The following EPB41 variants were observed in gnomAD, a reference collection of about 807,000 sequenced individuals.
EPB41 encodes erythrocyte membrane protein band 4.1, also known as protein 4.1.
In EPB41, 65 loss-of-function variants were observed where a neutral mutation model predicts 108.0. The observed-to-expected ratio is 0.60, with a 90% CI of 0.49 to 0.74. EPB41 has a LOEUF of 0.74. Ranked by LOEUF, EPB41 falls within the 30% of genes least tolerant of loss-of-function variation. The pLI, the probability that EPB41 is intolerant of heterozygous loss-of-function variation, is 0.00. For missense variants in EPB41, 875 were observed against 1,037.0 expected, an observed-to-expected ratio of 0.84 and a Z score of 2.15; for synonymous variants, 336 against 358.9, an observed-to-expected ratio of 0.94 and a Z score of 0.72.
intron 16 of EPB41, among the ~76,000 whole-genome samples, chr1:29,089,786 A>G (rs1660534420): frequency 1.3e-5 from 2 of 152,224 alleles, no homozygotes; most frequent in Admixed American, 1.3e-4. Context: ...CTGTCTTACT[A>G]AAACCCAGTG....
At chr1:29,053,922 A>G (rs1644938769) in intron 12 of EPB41, 1 of 152,628 alleles carries the variant, frequency 6.6e-6, no homozygotes, top group East Asian at 1.9e-4. Flanking sequence ...TCTGCTTTTT[A>G]AAATAATTTT....
At chr1:29,021,587 CT>C (rs376316483) in intron 7 of EPB41, among the ~76,000 whole-genome samples, 183 of 142,102 alleles carry the variant, frequency 1.3e-3, no homozygotes, top group Admixed American at 1.2e-3. Context: ...CTTTTTTTTT[CT>C]TTTTTTTTTT....
intron 11 of EPB41, among the ~76,000 whole-genome samples, chr1:29,040,121 A>T (rs1179733910): frequency 1.3e-5 from 2 of 152,142 alleles, no homozygotes; most frequent in African/African-American, 2.4e-5. Context: ...GGATAGCTTG[A>T]GCCCAGGAGG....
At chr1:28,913,330 C>T (rs1419177580), upstream of EPB41, among the ~76,000 whole-genome samples, 1 of 152,000 alleles carries the variant, frequency 6.6e-6, no homozygotes, top group Admixed American at 6.6e-5. Context: ...CCCAGCTACT[C>T]GGGAGGCTGA....
At chr1:29,070,884 T>C in intron 16 of EPB41, 2 of 339,094 alleles carry the variant, frequency 5.9e-6, no homozygotes, top group African/African-American at 2.1e-5. Context: ...GGCAGGTTGG[T>C]AATCTTCCCA....
chr1:29,013,834 G>GTT (rs537368192), intron 5 of EPB41, among the ~76,000 whole-genome samples: 19,885 of 131,418 alleles, frequency 0.15, 1,972 homozygotes, highest in East Asian at 0.42. Context: ...CAGCCCTTAA[G>GTT]TTTTTTTTTT....
At chr1:29,017,441 T>TA (rs2096591547) in intron 6 of EPB41, among the ~76,000 whole-genome samples, 1 of 152,222 alleles carries the variant, frequency 6.6e-6, no homozygotes. Context: ...GTGTGAACGT[T>TA]ACACTGATGG....
chr1:29,069,367 A>G (rs1650129620), intron 16 of EPB41: 12 of 1,230,580 alleles, frequency 9.8e-6, no homozygotes, highest in Non-Finnish European at 1.2e-5. Context: ...CAATTGGACA[A>G]TTGGGGAGAA....
chr1:29,081,835 C>CA (rs34188995), intron 16 of EPB41, among the ~76,000 whole-genome samples: 82,838 of 126,252 alleles, frequency 0.66, 28,640 homozygotes, highest in Non-Finnish European at 0.79. Flanking sequence ...AACTCTGTCT[C>CA]AAAAAAAAAA....
chr1:28,905,566 G>A (rs2091743716), intron 1 of EPB41, among the ~76,000 whole-genome samples: 1 of 151,618 alleles, frequency 6.6e-6, no homozygotes, highest in African/African-American at 2.4e-5. Context: ...GCAAGAAGGT[G>A]ACCATCTGCC....
intron 1 of EPB41, among the ~76,000 whole-genome samples, chr1:28,970,970 C>T (rs1314497222): frequency 1.3e-5 from 2 of 151,842 alleles, no homozygotes; most frequent in African/African-American, 4.8e-5. Flanking sequence ...GTCTCAGCCT[C>T]CTGAGTAGCT....
chr1:29,117,602 C>G lies in EPB41; in HGVS notation c.*790C>G, dbSNP rs2151787127. ...AAGCAGTGGCTCAGCTAAGTGCTCC[C>G]CCTAGCTCCCATCTCAGGAGACCAA... On this transcript the variant is annotated 3_prime_UTR_variant, in exon 21 of 21. Coordinates refer to ENST00000343067, the MANE Select transcript of EPB41 (RefSeq NM_001376013.1). 6.5e-6 allele frequency: 1 copy of G among 152,754 alleles called. No individual in the cohort carries two copies. Among genetic ancestry groups the G allele is most frequent in the South Asian group, 2.1e-4 (1 of 4,828 alleles). The allele number at this position is 152,754 out of a possible 1,614,324, so 9.5% of individuals were successfully genotyped here.
chr1:28,961,603 T>TTGAACAA (rs2095216801), intron 1 of EPB41, among the ~76,000 whole-genome samples: 1 of 152,212 alleles, frequency 6.6e-6, no homozygotes, highest in Non-Finnish European at 1.5e-5. Flanking sequence ...TTCTCTCTAC[T>TTGAACAA]TGAACAATGA....
chr1:28,906,952 T>TG (rs879823665), intron 1 of EPB41, among the ~76,000 whole-genome samples: 1 of 134,662 alleles, frequency 7.4e-6, no homozygotes, highest in African/African-American at 3.2e-5. Flanking sequence ...GCTAATTTTT[T>TG]TGTAGAGACG....
intron 16 of EPB41, among the ~76,000 whole-genome samples, chr1:29,080,097 A>ATTTATTTAT (rs1655858542): frequency 2.1e-5 from 3 of 145,736 alleles, no homozygotes; most frequent in Admixed American, 6.9e-5. Context: ...ATAAAGCAAC[A>ATTTATTTAT]TTATTTATTT....
At chr1:28,960,227 T>G (rs1571422522) in intron 1 of EPB41, among the ~76,000 whole-genome samples, 1 of 151,610 alleles carries the variant, frequency 6.6e-6, no homozygotes, top group South Asian at 2.1e-4. Context: ...CCCAGGCTGG[T>G]CTTGAACTCC....
intron 7 of EPB41, among the ~76,000 whole-genome samples, chr1:29,028,587 A>G (rs1444553677): frequency 2.6e-5 from 4 of 152,212 alleles, no homozygotes; most frequent in Non-Finnish European, 5.9e-5. Context: ...TGAAGCCTGG[A>G]TTCCAGCCCA....
chr1:29,000,511 C>A (rs1166632078), intron 4 of EPB41, among the ~76,000 whole-genome samples: 1 of 152,220 alleles, frequency 6.6e-6, no homozygotes, highest in Non-Finnish European at 1.5e-5. Context: ...TAACAAAGTA[C>A]AAACCTGGCT....
intron 1 of EPB41, chr1:28,985,739 T>G (rs151050882): frequency 6.6e-6 from 1 of 152,336 alleles, no homozygotes; most frequent in Non-Finnish European, 1.5e-5. Flanking sequence ...TGCTTACAGC[T>G]AATTGATCAC....
Sources: allele counts gnomAD v4.1 joint callset (sites outside exome capture counted in the v4.1 genomes callset), GRCh38; gene constraint gnomAD v4.1.1; transcripts MANE v1.5; gene names NCBI Gene and HGNC (gene_info 2026-07-23, HGNC 2026-07-21).